SGCZ: variants seen among roughly 807,000 people sequenced by gnomAD.
SGCZ encodes zeta-sarcoglycan.
SGCZ carries 40 observed loss-of-function variants against 41.3 expected under a neutral mutation model. The ratio of observed to expected loss-of-function variants is 0.97; its 90% CI spans 0.75 to 1.26. The LOEUF is 1.26. SGCZ is among the 50% of genes most tolerant of loss of function. The pLI is 0.00. For missense variants in SGCZ, 552 were observed against 369.8 expected (o/e 1.49, Z -4.04); for synonymous variants, 206 against 137.5 (o/e 1.50, Z -3.49).
chr8:15,035,513 T>G (rs1179314026), intron 1 of SGCZ, among the ~76,000 whole-genome samples: 1 of 152,136 alleles, frequency 6.6e-6, no homozygotes, highest in Non-Finnish European at 1.5e-5. Context: ...ATATTTGCCT[T>G]AAATGTAACT....
intron 1 of SGCZ, among the ~76,000 whole-genome samples, chr8:15,232,035 T>A (rs1801957248): frequency 6.6e-6 from 1 of 152,210 alleles, no homozygotes; most frequent in African/African-American, 2.4e-5. Flanking sequence ...TGCACAAATC[T>A]TTACCTTGAC....
intron 1 of SGCZ, among the ~76,000 whole-genome samples, chr8:14,607,382 T>G (rs1318151747): frequency 6.6e-6 from 1 of 152,190 alleles, no homozygotes; most frequent in Non-Finnish European, 1.5e-5. Flanking sequence ...TGAATCTCTT[T>G]TCTAAAGTGT....
At chr8:14,832,170 G>A (rs962519592) in intron 1 of SGCZ, among the ~76,000 whole-genome samples, 5 of 152,026 alleles carry the variant, frequency 3.3e-5, no homozygotes, top group Admixed American at 6.6e-5. Context: ...TGCAGACATC[G>A]TGACATTAAT....
chr8:15,133,005 T>A (rs2116977748), intron 1 of SGCZ, among the ~76,000 whole-genome samples: 1 of 152,194 alleles, frequency 6.6e-6, no homozygotes, highest in African/African-American at 2.4e-5. Flanking sequence ...TAGCCAGGCA[T>A]GGTGGCGTGG....
intron 5 of SGCZ, among the ~76,000 whole-genome samples, chr8:14,154,449 T>C (rs1032452882): frequency 7.9e-5 from 12 of 152,200 alleles, no homozygotes; most frequent in African/African-American, 2.7e-4. Context: ...TCATGGTATT[T>C]TGTTATGGGA....
intron 2 of SGCZ, among the ~76,000 whole-genome samples, chr8:14,460,606 G>C (rs1800874144): frequency 6.6e-6 from 1 of 152,070 alleles, no homozygotes; most frequent in African/African-American, 2.4e-5. Flanking sequence ...TGTATCTAAA[G>C]ACCAATTGAG....
intron 4 of SGCZ, 34 bp from the exon 5 acceptor site, chr8:14,164,736 G>A (rs772747499): frequency 4.4e-6 from 7 of 1,606,122 alleles, no homozygotes; most frequent in Non-Finnish European, 5.9e-6. Context: ...AAATGAAACT[G>A]GTATGCAGGA....
intron 1 of SGCZ, among the ~76,000 whole-genome samples, chr8:14,771,150 T>A (rs6980965): frequency 6.6e-6 from 1 of 151,568 alleles, no homozygotes; most frequent in Non-Finnish European, 1.5e-5. Context: ...AGTTTTTAGA[T>A]GGGGACAGAA....
chr8:15,235,744 C>T (rs1287592554), intron 1 of SGCZ, among the ~76,000 whole-genome samples: 1 of 152,120 alleles, frequency 6.6e-6, no homozygotes, highest in Non-Finnish European at 1.5e-5. Context: ...GAAAGAATCA[C>T]CCCAAATCAT....
intron 2 of SGCZ, among the ~76,000 whole-genome samples, chr8:14,501,468 T>A (rs1802151482): frequency 6.6e-6 from 1 of 152,098 alleles, no homozygotes; most frequent in African/African-American, 2.4e-5. Flanking sequence ...AAATTAAATA[T>A]TGACATATAC....
At position 14,329,444 on chromosome 8, in the gene SGCZ, A is replaced by G. The variant is rs530840810; in HGVS notation, c.235-5240T>C. ...AAAAAGTAGATTGTCTAATCAACAC[A>G]TTTAAAAAATATCAACTTCTCTTAT... On this transcript the variant is annotated intron_variant, in intron 2 of 7. Transcript: ENST00000382080. Among the ~76,000 whole-genome samples the G allele has an allele frequency of 2.6e-5, 4 of 152,344 alleles. No individual in the cohort carries two copies. The East Asian group carries it at 7.7e-4, about 29-fold the overall frequency.
intron 1 of SGCZ, among the ~76,000 whole-genome samples, chr8:14,959,178 G>T (rs1800885640): frequency 6.6e-6 from 1 of 152,062 alleles, no homozygotes; most frequent in African/African-American, 2.4e-5. Context: ...CGTTTCAGAG[G>T]TCTGACAGAT....
Position 14,653,605 on chromosome 8 carries a change from G to C in SGCZ, c.40-98679C>G, listed in dbSNP as rs538223961. Among the ~76,000 whole-genome samples, 4 of 152,128 alleles carry C rather than the reference G, an allele frequency of 2.6e-5. No individual in the cohort carries two copies. In the South Asian group the frequency reaches 8.3e-4, roughly 32 times the overall value. On this transcript the variant is annotated intron_variant, in intron 1 of 7. Coordinates refer to ENST00000382080, the MANE Select transcript of SGCZ (RefSeq NM_139167.4). ...TTACCTTTCTCTGGCACCATTCTTTGACATAAACTCTATTGAAATCCATGT... is the reference window on the plus strand; with the variant it reads ...TTACCTTTCTCTGGCACCATTCTTTCACATAAACTCTATTGAAATCCATGT...
intron 2 of SGCZ, among the ~76,000 whole-genome samples, chr8:14,363,661 T>G (rs1803604491): frequency 6.6e-6 from 1 of 152,164 alleles, no homozygotes; most frequent in African/African-American, 2.4e-5. Flanking sequence ...AATCCTTTAT[T>G]CAGTTTTATT....
chr8:14,426,994 C>G lies in SGCZ; in HGVS notation c.235-102790G>C, dbSNP rs2117323330. ...ATTCTTTATTATTTGTTTTGGAAGTCCTGGCTCAGTAGCCTGTTTGCAGCC... is the reference window on the plus strand; with the variant it reads ...ATTCTTTATTATTTGTTTTGGAAGTGCTGGCTCAGTAGCCTGTTTGCAGCC... On this transcript the variant is annotated intron_variant, in intron 2 of 7. Coordinates refer to ENST00000382080, the MANE Select transcript of SGCZ (RefSeq NM_139167.4). Among the ~76,000 whole-genome samples, 4 of 151,150 alleles carry G rather than the reference C, an allele frequency of 2.6e-5. No homozygotes were observed. In the South Asian group the frequency reaches 8.3e-4, roughly 31 times the overall value.
intron 5 of SGCZ, among the ~76,000 whole-genome samples, chr8:14,146,871 C>CAAAAAAAAAAAAAAAA (rs66592259): frequency 1.3e-5 from 1 of 74,848 alleles, no homozygotes; most frequent in African/African-American, 5.4e-5. Flanking sequence ...GACTCCGTCT[C>CAAAAAAAAAAAAAAAA]AAAAAATAAA....
At chr8:14,833,669 G>A (rs900440791) in intron 1 of SGCZ, among the ~76,000 whole-genome samples, 1 of 152,268 alleles carries the variant, frequency 6.6e-6, no homozygotes, top group East Asian at 1.9e-4. Context: ...CGAAGGAAGG[G>A]GTTCCCTCAG....
intron 2 of SGCZ, among the ~76,000 whole-genome samples, chr8:14,510,036 C>A (rs546039025): frequency 6.6e-6 from 1 of 152,194 alleles, no homozygotes; most frequent in East Asian, 1.9e-4. Context: ...GAACACAGTG[C>A]CAAACCATAT....
At chr8:14,511,906 A>G (rs1010855284) in intron 2 of SGCZ, among the ~76,000 whole-genome samples, 1 of 152,118 alleles carries the variant, frequency 6.6e-6, no homozygotes, top group Non-Finnish European at 1.5e-5. Context: ...ATAGATTATT[A>G]GTAACAATTT....
Sources: gnomAD v4.1 joint callset for allele counts (sites outside exome capture counted in the v4.1 genomes callset) on GRCh38, gnomAD v4.1.1 for gene constraint, MANE v1.5 for transcripts, NCBI Gene and HGNC (gene_info 2026-07-23, HGNC 2026-07-21) for gene names.